Variants in SH3RF1 observed in about 807,000 individuals in gnomAD.
SH3RF1 encodes the protein E3 ubiquitin-protein ligase SH3RF1.
SH3RF1 carries 32 observed loss-of-function variants against 74.0 expected under a neutral mutation model. That is an observed-to-expected ratio of 0.43 (90% CI 0.33 to 0.58). The LOEUF (loss-of-function observed/expected upper bound fraction) is 0.58. SH3RF1 is among the 20% of genes least tolerant of loss of function. The pLI is 0.05. For missense variants in SH3RF1, 954 were observed against 1,130.9 expected (o/e 0.84, Z 2.24); for synonymous variants, 396 against 439.6 (o/e 0.90, Z 1.24).
At chr4:169,136,049 A>T (rs1733693887) in intron 5 of SH3RF1, among the ~76,000 whole-genome samples, 1 of 152,158 alleles carries the variant, frequency 6.6e-6, no homozygotes, top group Admixed American at 6.5e-5. Flanking sequence ...GCTTGGTGAA[A>T]CTGGTAAGTA....
chr4:169,194,990 G>C, intron 2 of SH3RF1, among the ~76,000 whole-genome samples: 1 of 152,130 alleles, frequency 6.6e-6, no homozygotes, highest in South Asian at 2.1e-4. Context: ...ATGGTCATTA[G>C]GTATTTAGAT....
At chr4:169,199,597 A>G (rs1371966719) in intron 2 of SH3RF1, among the ~76,000 whole-genome samples, 2 of 152,062 alleles carry the variant, frequency 1.3e-5, no homozygotes, top group Non-Finnish European at 2.9e-5. Context: ...GTCCTGGAAA[A>G]TGTGGCTTAG....
At chr4:169,105,347 G>T (rs543607217) in intron 11 of SH3RF1, among the ~76,000 whole-genome samples, 3 of 152,288 alleles carry the variant, frequency 2.0e-5, no homozygotes, top group South Asian at 4.1e-4. Flanking sequence ...AATGAATAGT[G>T]CCTCATTGTT....
At chr4:169,148,077 T>C (rs9884287) in intron 4 of SH3RF1, among the ~76,000 whole-genome samples, 1,808 of 152,324 alleles carry the variant, frequency 0.012, 44 homozygotes, top group African/African-American at 0.042. Context: ...TTTCTGAAAA[T>C]TAACCTTTTA....
intron 4 of SH3RF1, among the ~76,000 whole-genome samples, chr4:169,153,831 T>C (rs774254580): frequency 2.0e-5 from 3 of 152,218 alleles, no homozygotes; most frequent in Non-Finnish European, 4.4e-5. Flanking sequence ...TACTTTCTAC[T>C]TGGGCAGAAG....
chr4:169,262,797 A>C (rs1199281806), intron 2 of SH3RF1, among the ~76,000 whole-genome samples: 1 of 152,228 alleles, frequency 6.6e-6, no homozygotes, highest in Non-Finnish European at 1.5e-5. Context: ...ATTATCAATT[A>C]GTATGCACCA....
intron 2 of SH3RF1, among the ~76,000 whole-genome samples, chr4:169,165,636 G>GC (rs901999382): frequency 4.3e-5 from 6 of 140,124 alleles, no homozygotes; most frequent in Admixed American, 2.1e-4. Context: ...AGAAAAAAAG[G>GC]CGGGGGGGGG....
At chr4:169,240,172 T>C (rs930566765) in intron 2 of SH3RF1, among the ~76,000 whole-genome samples, 3 of 152,190 alleles carry the variant, frequency 2.0e-5, no homozygotes, top group Non-Finnish European at 4.4e-5. Flanking sequence ...CAAGGGGTAT[T>C]ATAATAAATT....
intron 2 of SH3RF1, among the ~76,000 whole-genome samples, chr4:169,198,283 A>G (rs1299014101): frequency 2.0e-5 from 3 of 152,204 alleles, no homozygotes; most frequent in Non-Finnish European, 4.4e-5. Flanking sequence ...TACTGGCACA[A>G]TGAATACTTT....
intron 4 of SH3RF1, among the ~76,000 whole-genome samples, chr4:169,143,010 G>A (rs767821191): frequency 1.3e-5 from 2 of 152,150 alleles, no homozygotes; most frequent in Non-Finnish European, 2.9e-5. Flanking sequence ...AGACTGAAGG[G>A]ATTACTCAAG....
chr4:169,262,078 T>C (rs1244666459), intron 2 of SH3RF1, among the ~76,000 whole-genome samples: 3 of 152,156 alleles, frequency 2.0e-5, no homozygotes, highest in Non-Finnish European at 4.4e-5. Context: ...TCTATGTGTA[T>C]ATTATACATC....
At chr4:169,240,440 G>A (rs755281682) in intron 2 of SH3RF1, among the ~76,000 whole-genome samples, 3 of 151,808 alleles carry the variant, frequency 2.0e-5, no homozygotes, top group Non-Finnish European at 1.5e-5. Context: ...TCAAGCAATC[G>A]ACCTACCTCA....
intron 2 of SH3RF1, chr4:169,203,927 G>A (rs759213918): frequency 4.6e-5 from 7 of 152,292 alleles, no homozygotes; most frequent in Middle Eastern, 3.4e-3. Context: ...GTGACCTTCA[G>A]CAATTACTTT....
chr4:169,182,074 A>G (rs1412293801), intron 2 of SH3RF1, among the ~76,000 whole-genome samples: 2 of 152,216 alleles, frequency 1.3e-5, no homozygotes, highest in South Asian at 2.1e-4. Flanking sequence ...GCAGAAATAA[A>G]TGGAGATTTT....
intron 11 of SH3RF1, among the ~76,000 whole-genome samples, chr4:169,097,752 G>T (rs772290926): frequency 1.3e-5 from 2 of 152,108 alleles, no homozygotes; most frequent in South Asian, 4.1e-4. Context: ...CTCCTATGAT[G>T]CACAGGATGA....
chr4:169,246,625 T>C (rs1423279982), intron 2 of SH3RF1, among the ~76,000 whole-genome samples: 3 of 152,272 alleles, frequency 2.0e-5, no homozygotes, highest in East Asian at 1.9e-4. Context: ...CTGATGCATC[T>C]GCACATGCAA....
chr4:169,097,462 C>T (rs55982149), intron 11 of SH3RF1, among the ~76,000 whole-genome samples: 28,715 of 152,090 alleles, frequency 0.19, 2,941 homozygotes, highest in African/African-American at 0.27. Flanking sequence ...GTGTCATTAT[C>T]GCTTAAAAAT....
At chr4:169,154,237 T>C (rs1258212112) in intron 4 of SH3RF1, among the ~76,000 whole-genome samples, 1 of 152,198 alleles carries the variant, frequency 6.6e-6, no homozygotes, top group Non-Finnish European at 1.5e-5. Flanking sequence ...AATATTTCAA[T>C]AAACAGGAAC....
chr4:169,251,778 T>A (rs1168677236), intron 2 of SH3RF1, among the ~76,000 whole-genome samples: 3 of 152,234 alleles, frequency 2.0e-5, no homozygotes, highest in Non-Finnish European at 1.5e-5. Context: ...ACCCAATCTG[T>A]TTCAGAAAAC....
Sources: gnomAD v4.1 joint callset for allele counts (sites outside exome capture counted in the v4.1 genomes callset) on GRCh38, gnomAD v4.1.1 for gene constraint, MANE v1.5 for transcripts, NCBI Gene and HGNC (gene_info 2026-07-23, HGNC 2026-07-21) for gene names.